CDH12: variants seen among roughly 807,000 people sequenced by gnomAD.
The protein encoded by CDH12 is cadherin-12.
Under a neutral mutation model 74.1 loss-of-function variants are expected in CDH12, and 41 were observed. The observed-to-expected ratio is 0.55, with a 90% CI of 0.43 to 0.72. The LOEUF is 0.72. Ranked by LOEUF, CDH12 falls within the 30% of genes least tolerant of loss-of-function variation. The pLI is 0.00. For synonymous variants in CDH12, 399 were observed against 355.0 expected (o/e 1.12, Z -1.39); for missense variants, 945 against 977.2 (o/e 0.97, Z 0.44).
chr5:21,765,889 T>C (rs1166961330), intron 11 of CDH12, among the ~76,000 whole-genome samples: 1 of 152,054 alleles, frequency 6.6e-6, no homozygotes, highest in East Asian at 1.9e-4. Flanking sequence ...ACTTGTGCAA[T>C]ATATAATTTT....
intron 1 of CDH12, among the ~76,000 whole-genome samples, chr5:22,597,131 C>A (rs568054867): frequency 2.6e-5 from 4 of 152,222 alleles, no homozygotes; most frequent in South Asian, 4.2e-4. Context: ...GGTAAAAATT[C>A]TTTGTCCTAA....
intron 4 of CDH12, among the ~76,000 whole-genome samples, chr5:22,104,187 C>T (rs983628220): frequency 1.3e-5 from 2 of 152,070 alleles, no homozygotes; most frequent in African/African-American, 4.8e-5. Context: ...TTGAGTATAC[C>T]ATACAAAATA....
At chr5:21,758,490 G>T (rs538389411) in intron 13 of CDH12, among the ~76,000 whole-genome samples, 37 of 152,116 alleles carry the variant, frequency 2.4e-4, no homozygotes, top group African/African-American at 8.7e-4. Flanking sequence ...TATATGCATA[G>T]AATTTATAAA....
intron 1 of CDH12, among the ~76,000 whole-genome samples, chr5:22,662,680 A>C (rs1310838049): frequency 2.6e-5 from 4 of 152,212 alleles, no homozygotes; most frequent in African/African-American, 9.6e-5. Context: ...GTAAGCCTTA[A>C]AAAATTTTTT....
intron 3 of CDH12, among the ~76,000 whole-genome samples, chr5:22,265,782 C>A (rs531035619): frequency 6.6e-6 from 1 of 151,996 alleles, no homozygotes; most frequent in South Asian, 2.1e-4. Context: ...CTTAAGGAGT[C>A]CTAAGATAAT....
At chr5:21,866,732 G>A (rs1751346852) in intron 6 of CDH12, among the ~76,000 whole-genome samples, 1 of 152,192 alleles carries the variant, frequency 6.6e-6, no homozygotes, top group African/African-American at 2.4e-5. Flanking sequence ...TTTCAGAGGA[G>A]AGATTCAAGC....
chr5:21,983,380 T>TA (rs1187675443), intron 5 of CDH12, among the ~76,000 whole-genome samples: 4 of 152,154 alleles, frequency 2.6e-5, no homozygotes, highest in Non-Finnish European at 4.4e-5. Context: ...TCTTTGTTGG[T>TA]AAAGAGCCTC....
intron 1 of CDH12, among the ~76,000 whole-genome samples, chr5:22,849,177 T>G (rs926627236): frequency 1.3e-5 from 2 of 152,164 alleles, no homozygotes; most frequent in African/African-American, 4.8e-5. Context: ...CCATGATAAG[T>G]GTTATCTGTG....
At chr5:22,554,023 C>T (rs778216232) in intron 1 of CDH12, among the ~76,000 whole-genome samples, 2 of 152,134 alleles carry the variant, frequency 1.3e-5, no homozygotes, top group Non-Finnish European at 2.9e-5. Flanking sequence ...CACATATCTA[C>T]TATAATGTCT....
intron 1 of CDH12, among the ~76,000 whole-genome samples, chr5:22,724,045 C>T (rs1744033813): frequency 1.3e-5 from 2 of 151,564 alleles, no homozygotes; most frequent in Admixed American, 1.3e-4. Flanking sequence ...ATGTTAAATT[C>T]TTAGCGTCAC....
intron 2 of CDH12, among the ~76,000 whole-genome samples, chr5:22,440,155 T>C (rs1440237442): frequency 3.9e-5 from 6 of 152,070 alleles, no homozygotes; most frequent in African/African-American, 1.2e-4. Flanking sequence ...TTAGAGGGTA[T>C]GTAGAGTAGT....
At chr5:22,594,897 T>C (rs972461265) in intron 1 of CDH12, among the ~76,000 whole-genome samples, 1 of 152,180 alleles carries the variant, frequency 6.6e-6, no homozygotes, top group Non-Finnish European at 1.5e-5. Flanking sequence ...CTTCCTTCAA[T>C]TAGTGATTCA....
intron 1 of CDH12, among the ~76,000 whole-genome samples, chr5:22,678,057 T>G (rs1741305257): frequency 2.8e-5 from 4 of 145,062 alleles, no homozygotes; most frequent in South Asian, 2.2e-4. Flanking sequence ...GGGGGGGGGT[T>G]AGGATTTTAA....
At chr5:22,052,526 T>C (rs930997455) in intron 5 of CDH12, among the ~76,000 whole-genome samples, 14 of 152,270 alleles carry the variant, frequency 9.2e-5, no homozygotes, top group African/African-American at 2.9e-4. Context: ...GCACCTACAC[T>C]GAGAGGTGTT....
At chr5:21,935,046 A>T (rs1218794389) in intron 6 of CDH12, among the ~76,000 whole-genome samples, 1 of 152,068 alleles carries the variant, frequency 6.6e-6, no homozygotes, top group East Asian at 1.9e-4. Flanking sequence ...TCGGCCTCCC[A>T]AAGTGGTGGG....
intron 1 of CDH12, among the ~76,000 whole-genome samples, chr5:22,802,182 C>T (rs1188656252): frequency 6.9e-6 from 1 of 145,562 alleles, no homozygotes; most frequent in East Asian, 2.0e-4. Flanking sequence ...AGTGCAGTGG[C>T]ACGATCCAGG....
intron 4 of CDH12, among the ~76,000 whole-genome samples, chr5:22,167,986 C>A (rs1007110106): frequency 3.3e-5 from 5 of 152,054 alleles, no homozygotes; most frequent in African/African-American, 1.2e-4. Flanking sequence ...TCTTTTTCCT[C>A]TCAATACGTG....
At chr5:21,995,547 T>A (rs1435449084) in intron 5 of CDH12, among the ~76,000 whole-genome samples, 1 of 151,982 alleles carries the variant, frequency 6.6e-6, no homozygotes, top group Non-Finnish European at 1.5e-5. Context: ...AAATGAAAGC[T>A]TAGCAGCCAC....
At chr5:22,599,332 C>A (rs1004261529) in intron 1 of CDH12, among the ~76,000 whole-genome samples, 3 of 152,050 alleles carry the variant, frequency 2.0e-5, no homozygotes, top group African/African-American at 7.2e-5. Flanking sequence ...GTAAAAAATA[C>A]CAAAGTGACT....
Sources: gnomAD v4.1 joint callset for allele counts (sites outside exome capture counted in the v4.1 genomes callset) on GRCh38, gnomAD v4.1.1 for gene constraint, MANE v1.5 for transcripts, NCBI Gene and HGNC (gene_info 2026-07-23, HGNC 2026-07-21) for gene names.